The following MAD2L2 variants were observed in gnomAD, a reference collection of about 807,000 sequenced individuals.
The protein encoded by MAD2L2 is mitotic arrest deficient 2 like 2.
Under a neutral mutation model 30.5 loss-of-function variants are expected in MAD2L2, and 17 were observed. The ratio of observed to expected loss-of-function variants is 0.56; its 90% CI spans 0.38 to 0.84. The LOEUF (loss-of-function observed/expected upper bound fraction) is 0.84. MAD2L2 is among the 40% of genes least tolerant of loss of function. The probability of loss-of-function intolerance (pLI) is 0.00; values close to 1 mark genes in which losing one functional copy is unlikely to be tolerated. For synonymous variants in MAD2L2, 101 were observed against 113.9 expected, an observed-to-expected ratio of 0.89 and a Z score of 0.72; for missense variants, 213 against 277.4, an observed-to-expected ratio of 0.77 and a Z score of 1.65.
Position 11,675,726 on chromosome 1 carries a change from T to C in MAD2L2, c.433A>G (p.Thr145Ala), listed in dbSNP as rs751016876. The C allele has an allele frequency of 6.2e-7, 1 of 1,613,748 alleles. No homozygotes were observed. Among genetic ancestry groups the C allele is most frequent in the South Asian group, 1.1e-5 (1 of 91,068 alleles). The change falls in exon 7 of 9, where the codon ACC (threonine) becomes GCC (alanine). Residue 145 changes from threonine (T) to alanine (A), a missense_variant. Coordinates refer to ENST00000376692, the MANE Select transcript of MAD2L2 (RefSeq NM_006341.4). ...CTCGTGTGCACCAGGACTGTGAAGGTACAGCCTGGAGAGGCAAGAGGTTGG... is the reference window on the plus strand; with the variant it reads ...CTCGTGTGCACCAGGACTGTGAAGGCACAGCCTGGAGAGGCAAGAGGTTGG... ...AVLDHNPPGC[T>A]FTVLVHTREA...
chr1:11,675,526 G>A (rs751862361), intron 7 of MAD2L2, 132 bp downstream of exon 7: 12 of 875,794 alleles, frequency 1.4e-5, no homozygotes, highest in Non-Finnish European at 2.1e-5. Context: ...CAGGCCTGAG[G>A]ACCTGCTGGG....
At chr1:11,680,306 T>C (rs1407464378) in intron 3 of MAD2L2, 47 bp downstream of exon 3, 13 of 1,518,316 alleles carry the variant, frequency 8.6e-6, no homozygotes, top group Non-Finnish European at 1.2e-5. Context: ...AAAGAATTTT[T>C]AAAAGTCCAC....
rs749291186 is a variant in MAD2L2, at chr1:11,680,476, A to AG, written c.41-6dup. 10 of 1,610,534 alleles carry AG rather than the reference A, an allele frequency of 6.2e-6. No homozygotes were observed. The African/African-American group carries it at 1.1e-4, about 17-fold the overall frequency. ...CGCAGAGCACATCGGCCACCACTGC[A>AG]GGGGGGCACAAGCCGGTGGCGCGCT... On this transcript the variant is annotated splice_region_variant and splice_polypyrimidine_tract_variant and intron_variant, in intron 2 of 8. Transcript: ENST00000376692.
At chr1:11,684,743 C>T (rs1570293843), upstream of MAD2L2, among the ~76,000 whole-genome samples, 1 of 152,234 alleles carries the variant, frequency 6.6e-6, no homozygotes, top group Non-Finnish European at 1.5e-5. Context: ...GCCTAAGGTT[C>T]CCAGGACACC....
At chr1:11,676,171 C>A (rs1159061845) in intron 5 of MAD2L2, 31 bp from the exon 6 acceptor site, 2 of 1,435,308 alleles carry the variant, frequency 1.4e-6, no homozygotes, top group African/African-American at 1.4e-5. Context: ...TCCCATCACA[C>A]TGGCGCCCTC....
At chr1:11,677,893 A>T (rs1640798582) in intron 3 of MAD2L2, among the ~76,000 whole-genome samples, 1 of 151,562 alleles carries the variant, frequency 6.6e-6, no homozygotes, top group African/African-American at 2.4e-5. Flanking sequence ...CCCCATCTCT[A>T]CTAAAAATAC....
intron 4 of MAD2L2, 33 bp downstream of exon 4, chr1:11,677,510 G>C: frequency 6.2e-7 from 1 of 1,602,962 alleles, no homozygotes. Flanking sequence ...TGAGCATGGG[G>C]TGAGATGGCT....
chr1:11,689,434 C>T (rs1327891095), intron 1 of MAD2L2, among the ~76,000 whole-genome samples: 2 of 151,956 alleles, frequency 1.3e-5, no homozygotes, highest in East Asian at 1.9e-4. Context: ...CCCATCTCTA[C>T]TGAAAACACA....
chr1:11,679,398 C>A (rs574278482), intron 3 of MAD2L2, among the ~76,000 whole-genome samples: 1 of 152,264 alleles, frequency 6.6e-6, no homozygotes, highest in South Asian at 2.1e-4. Context: ...GCTTTGTCTG[C>A]CTTTTAGCCT....
rs1640732046 is a variant in MAD2L2, at chr1:11,674,979, T to C, written c.594+103A>G. On this transcript the variant is annotated intron_variant, in intron 8 of 8. Coordinates refer to ENST00000376692, the MANE Select transcript of MAD2L2 (RefSeq NM_006341.4). The surrounding 1 kb of genome is among the most constrained non-coding windows in gnomAD (Gnocchi z 6.1). ...ATGGGAGGAGCCCTCCACCAGGCAC[T>C]CCCCCGTTCTCTCCCGCAAGCCCTC... The C allele has an allele frequency of 7.9e-6, 10 of 1,259,328 alleles. No homozygotes were observed. In the South Asian group the frequency reaches 8.1e-5, roughly 10 times the overall value. The allele number at this position is 1,259,328 out of a possible 1,614,324, so 78.0% of individuals were successfully genotyped here. A position where few individuals can be genotyped will look rare whatever the true frequency, so the allele number is the denominator to read the frequency against.
At position 11,688,049 on chromosome 1, in the gene MAD2L2, CA is replaced by C. The variant is rs1640990422; in HGVS notation, c.-692+3363del. 6.6e-6 allele frequency among the ~76,000 whole-genome samples: 1 copy of C among 152,204 alleles called. No homozygotes were observed. The highest frequency in any genetic ancestry group is 6.5e-5 in the Admixed American group (1 of 15,278). ...ATCGGAAGATCACCCAGCCAGGGGA[CA>C]GCCACAGTAGCAGCATTTGAACCAG... On this transcript the variant is annotated intron_variant, in intron 1 of 10. Coordinates refer to the MAD2L2 transcript ENST00000235310. The surrounding 1 kb of genome is among the most constrained non-coding windows in gnomAD (Gnocchi z 4.6).
At chr1:11,677,361 G>A in intron 4 of MAD2L2, 182 bp downstream of exon 4, 2 of 644,398 alleles carry the variant, frequency 3.1e-6, no homozygotes, top group South Asian at 2.0e-5. Flanking sequence ...TGGCCCGCAT[G>A]CCTTGGGGCC....
Position 11,688,778 on chromosome 1 carries a change from G to C in MAD2L2, c.-692+2635C>G, listed in dbSNP as rs923055116. 1.2e-4 allele frequency among the ~76,000 whole-genome samples: 19 copies of C among 152,118 alleles called. No individual in the cohort carries two copies. The highest frequency in any genetic ancestry group is 1.5e-4 in the Non-Finnish European group (10 of 68,032). ...CTGGGCCATATTCCCAGATGGCTAAGGCATTCTAAGTCACAGTATGAGACA... is the reference window on the plus strand; with the variant it reads ...CTGGGCCATATTCCCAGATGGCTAACGCATTCTAAGTCACAGTATGAGACA... On this transcript the variant is annotated intron_variant, in intron 1 of 10. Transcript: ENST00000235310. This position sits in a 1 kb window ranked among gnomAD's most constrained non-coding sequence, Gnocchi z 4.6.
At position 11,674,777 on chromosome 1, in the gene MAD2L2, A is replaced by G; in HGVS notation, c.634T>C (p.Ter212ArgextTer20). Residue 212 changes from the stop codon to arginine, a stop_lost, in exon 9 of 9, where the codon TGA (stop) becomes CGA (arginine). Coordinates refer to ENST00000376692, the MANE Select transcript of MAD2L2 (RefSeq NM_006341.4). The surrounding 1 kb of genome is among the most constrained non-coding windows in gnomAD (Gnocchi z 6.1). ...TCAGTGGGGTGGCAGGTGCCCCCTC[A>G]GCTGCCTTTATGAGCGCGCTCTTCC... ...YVEERAHKGS[*>R] 1.2e-6 allele frequency: 2 copies of G among 1,613,682 alleles called. No homozygotes were observed. Among genetic ancestry groups the G allele is most frequent in the Non-Finnish European group, 1.7e-6 (2 of 1,179,964 alleles).
upstream of MAD2L2, among the ~76,000 whole-genome samples, chr1:11,684,818 T>C (rs1051916479): frequency 7.9e-5 from 12 of 152,064 alleles, no homozygotes; most frequent in Non-Finnish European, 1.5e-4. Context: ...TCTCCTGATA[T>C]CCTGACGCTC....
intron 5 of MAD2L2, 38 bp from the exon 6 acceptor site, chr1:11,676,178 C>T (rs1165187698): frequency 6.5e-6 from 9 of 1,387,324 alleles, no homozygotes; most frequent in African/African-American, 1.4e-5. Flanking sequence ...ACACTGGCGC[C>T]CTCCCCTCCA....
Position 11,674,936 on chromosome 1 carries a change from T to C in MAD2L2, c.595-120A>G. The C allele has an allele frequency of 7.3e-7, 1 of 1,364,014 alleles. No homozygotes were observed. The highest frequency in any genetic ancestry group is 1.0e-6 in the Non-Finnish European group (1 of 963,152). 84.5% of individuals were successfully genotyped at this position (1,364,014 alleles called of 1,614,324 possible). On this transcript the variant is annotated intron_variant, in intron 8 of 8. Transcript: ENST00000376692. This position sits in a 1 kb window ranked among gnomAD's most constrained non-coding sequence, Gnocchi z 6.1. ...AGGTGGGGCCTCGTGGCCATAGCCA[T>C]GGTGGAGAAGAGTAGAGATGGGAGG...
chr1:11,678,656 T>C (rs1640812718), intron 3 of MAD2L2, among the ~76,000 whole-genome samples: 1 of 152,222 alleles, frequency 6.6e-6, no homozygotes, highest in Non-Finnish European at 1.5e-5. Flanking sequence ...AATCACTTCA[T>C]CATAAAGAAG....
At chr1:11,676,241 C>T in intron 5 of MAD2L2, 101 bp from the exon 6 acceptor site, 1 of 692,658 alleles carries the variant, frequency 1.4e-6, no homozygotes, top group South Asian at 1.8e-5. Context: ...CCCTCCAGTG[C>T]CTGTGAGAGT....
Sources: gnomAD v4.1 joint callset for allele counts (sites outside exome capture counted in the v4.1 genomes callset) on GRCh38, gnomAD v4.1.1 for gene constraint, Gnocchi (gnomAD v3.1) non-coding constraint, MANE v1.5 for transcripts, NCBI Gene and HGNC (gene_info 2026-07-23, HGNC 2026-07-21) for gene names.